HDAC9: variants seen among roughly 807,000 people sequenced by gnomAD.
HDAC9 encodes the protein histone deacetylase 9.
A neutral mutation model predicts 139.4 loss-of-function variants in HDAC9; 41 were observed. That is an observed-to-expected ratio of 0.29 (90% confidence interval 0.23 to 0.38). The LOEUF (loss-of-function observed/expected upper bound fraction) is 0.38. HDAC9 is among the 10% of genes least tolerant of loss of function. The probability of loss-of-function intolerance (pLI) is 1.00; values close to 1 mark genes in which losing one functional copy is unlikely to be tolerated. For missense variants in HDAC9, 1,147 were observed against 1,297.0 expected (o/e 0.88, Z 1.78); for synonymous variants, 517 against 476.2 (o/e 1.09, Z -1.12).
chr7:18,728,606 T>C (rs1409835377), intron 13 of HDAC9, among the ~76,000 whole-genome samples: 2 of 152,234 alleles, frequency 1.3e-5, no homozygotes, highest in Non-Finnish European at 2.9e-5. Context: ...ACTTGGATAC[T>C]GCAGAAAACG....
chr7:18,127,373 C>A (rs1430181397), intron 1 of HDAC9: 1 of 170,042 alleles, frequency 5.9e-6, no homozygotes, highest in Non-Finnish European at 1.5e-5. Flanking sequence ...AATTTGGAAA[C>A]CTTAGTAGTG....
chr7:18,365,226 C>T (rs750932505), intron 1 of HDAC9, among the ~76,000 whole-genome samples: 5 of 151,836 alleles, frequency 3.3e-5, no homozygotes, highest in South Asian at 2.1e-4. Context: ...GGGTTAGAAC[C>T]ACTTTGGTGA....
At chr7:18,578,302 C>A (rs538740557) in intron 2 of HDAC9, 24 of 501,844 alleles carry the variant, frequency 4.8e-5, no homozygotes, top group Non-Finnish European at 5.2e-5. Context: ...CTATTCGTAA[C>A]GACCCCTTCA....
At chr7:18,936,964 T>G (rs1781679217) in intron 23 of HDAC9, among the ~76,000 whole-genome samples, 1 of 151,966 alleles carries the variant, frequency 6.6e-6, no homozygotes, top group Middle Eastern at 3.2e-3. Flanking sequence ...AAATGTATGT[T>G]GTTAATTTGA....
intron 17 of HDAC9, among the ~76,000 whole-genome samples, chr7:18,815,248 A>G (rs1794477297): frequency 6.6e-6 from 1 of 151,922 alleles, no homozygotes; most frequent in Non-Finnish European, 1.5e-5. Context: ...CCATATTTAT[A>G]TGACAAAAAA....
At chr7:18,793,275 A>T in intron 16 of HDAC9, 70 bp from the exon 17 acceptor site, 1 of 1,053,822 alleles carries the variant, frequency 9.5e-7, no homozygotes, top group Non-Finnish European at 1.4e-6. Context: ...TTCCCCTTTT[A>T]CCCCTTTCAT....
chr7:18,748,432 A>G (rs947084410), intron 13 of HDAC9, among the ~76,000 whole-genome samples: 3 of 152,262 alleles, frequency 2.0e-5, no homozygotes, highest in African/African-American at 4.8e-5. Flanking sequence ...ACATAATGAC[A>G]TAAATTATGG....
intron 2 of HDAC9, among the ~76,000 whole-genome samples, chr7:18,502,155 G>C (rs1263280607): frequency 6.6e-6 from 1 of 152,128 alleles, no homozygotes; most frequent in South Asian, 2.1e-4. Flanking sequence ...ATCCTCCAAT[G>C]GTCACAAGTT....
At chr7:18,211,636 A>G (rs1363293555) in intron 2 of HDAC9, among the ~76,000 whole-genome samples, 7 of 152,338 alleles carry the variant, frequency 4.6e-5, no homozygotes, top group African/African-American at 1.7e-4. Flanking sequence ...TAGGTAAACC[A>G]CATATTCTAC....
intron 13 of HDAC9, 148 bp from the exon 14 acceptor site, chr7:18,748,856 CT>C (rs1788205587): frequency 1.3e-6 from 1 of 743,654 alleles, no homozygotes; most frequent in African/African-American, 1.8e-5. Context: ...TTCTTATGTG[CT>C]CCTGAGAATT....
In HDAC9 at chr7:18,190,725, ATTTTCACTCTTAT is replaced by A. The variant is rs1739094168; in HGVS notation, c.25+28378_25+28390del. On this transcript the variant is annotated intron_variant, in intron 2 of 12. Transcript: ENST00000417496. ...TTGCTTTTCTCTTTTTATTTTCCCA[ATTTTCACTCTTAT>A]TAAGTAAAATTACTCAGCTTTTAAA... 5.3e-5 allele frequency among the ~76,000 whole-genome samples: 8 copies of A among 152,130 alleles called. No individual in the cohort carries two copies. The South Asian group carries it at 1.7e-3, about 31-fold the overall frequency.
chr7:18,305,699 C>T (rs1205091842), intron 1 of HDAC9, among the ~76,000 whole-genome samples: 3 of 151,650 alleles, frequency 2.0e-5, no homozygotes, highest in African/African-American at 7.3e-5. Context: ...AACAAAGTTT[C>T]TGATCTCTGG....
At chr7:18,176,514 G>A (rs1206072443) in intron 2 of HDAC9, among the ~76,000 whole-genome samples, 3 of 152,136 alleles carry the variant, frequency 2.0e-5, no homozygotes, top group African/African-American at 7.2e-5. Flanking sequence ...TTAACCCAGT[G>A]ACTGTTAACT....
intron 4 of HDAC9, 94 bp downstream of exon 4, chr7:18,590,580 C>T (rs926577285): frequency 1.7e-5 from 22 of 1,280,306 alleles, no homozygotes; most frequent in African/African-American, 7.6e-5. Flanking sequence ...CGGTTAGACT[C>T]GTCAAAATTA....
At chr7:18,902,756 A>G (rs975959258) in intron 22 of HDAC9, among the ~76,000 whole-genome samples, 5 of 152,208 alleles carry the variant, frequency 3.3e-5, no homozygotes, top group South Asian at 2.1e-4. Context: ...ACAAATAAGG[A>G]ACACTTTTGA....
At chr7:18,363,528 G>A (rs1783943595) in intron 1 of HDAC9, among the ~76,000 whole-genome samples, 1 of 152,094 alleles carries the variant, frequency 6.6e-6, no homozygotes, top group South Asian at 2.1e-4. Flanking sequence ...TTTGCATTTG[G>A]TACTGTGCTA....
intron 2 of HDAC9, among the ~76,000 whole-genome samples, chr7:18,572,806 T>C (rs1374415866): frequency 6.6e-6 from 1 of 152,152 alleles, no homozygotes; most frequent in Non-Finnish European, 1.5e-5. Flanking sequence ...TGCAAGGAGC[T>C]GAATAAAGCT....
chr7:18,203,042 T>C (rs1746336447), intron 2 of HDAC9, among the ~76,000 whole-genome samples: 1 of 152,212 alleles, frequency 6.6e-6, no homozygotes, highest in Admixed American at 6.5e-5. Context: ...ATGTGAGCTG[T>C]TAAAACAGTC....
intron 6 of HDAC9, among the ~76,000 whole-genome samples, chr7:18,603,634 A>C (rs889068324): frequency 1.3e-5 from 2 of 152,102 alleles, no homozygotes; most frequent in African/African-American, 4.8e-5. Flanking sequence ...TCTGTTTTCC[A>C]AAAGCTACAA....
Sources: allele counts gnomAD v4.1 joint callset (sites outside exome capture counted in the v4.1 genomes callset), GRCh38; gene constraint gnomAD v4.1.1; transcripts MANE v1.5; gene names NCBI Gene and HGNC (gene_info 2026-07-23, HGNC 2026-07-21).